Variants in WASHC3 observed in about 807,000 individuals in gnomAD.
WASHC3 encodes WASH complex subunit 3.
In WASHC3, 24 loss-of-function variants were observed where a neutral mutation model predicts 26.1. The observed-to-expected ratio is 0.92, with a 90% confidence interval of 0.66 to 1.29. The LOEUF (loss-of-function observed/expected upper bound fraction) is 1.29. WASHC3 is among the 50% of genes most tolerant of loss of function. The probability of loss-of-function intolerance (pLI) is 0.00; values close to 1 mark genes in which losing one functional copy is unlikely to be tolerated. For synonymous variants in WASHC3, 77 were observed against 75.7 expected, an observed-to-expected ratio of 1.02 and a Z score of -0.09; for missense variants, 214 against 229.6, an observed-to-expected ratio of 0.93 and a Z score of 0.44.
chr12:102,044,641 C>G (rs943000946), intron 3 of WASHC3, among the ~76,000 whole-genome samples: 21 of 152,114 alleles, frequency 1.4e-4, no homozygotes, highest in African/African-American at 5.1e-4. Context: ...AAAAAAAGGG[C>G]TTTGTGCAAA....
At chr12:102,039,156 T>C (rs978548283) in intron 5 of WASHC3, among the ~76,000 whole-genome samples, 1 of 142,954 alleles carries the variant, frequency 7.0e-6, no homozygotes, top group Non-Finnish European at 1.5e-5. Flanking sequence ...TTTTTTAATG[T>C]AGAAGTAGGT....
chr12:102,050,973 C>G (rs1202840122), intron 2 of WASHC3, among the ~76,000 whole-genome samples: 1 of 152,256 alleles, frequency 6.6e-6, no homozygotes, highest in Non-Finnish European at 1.5e-5. Flanking sequence ...AATCTCTCTT[C>G]TACTCTGGTG....
At chr12:102,031,257 A>G (rs971246399) in intron 5 of WASHC3, among the ~76,000 whole-genome samples, 2 of 152,228 alleles carry the variant, frequency 1.3e-5, no homozygotes, top group African/African-American at 4.8e-5. Context: ...GGCAAAGCAT[A>G]GGTAATATGG....
chr12:102,041,101 G>GTA (rs981179983), intron 4 of WASHC3, among the ~76,000 whole-genome samples: 27 of 150,728 alleles, frequency 1.8e-4, no homozygotes, highest in East Asian at 5.8e-4. Context: ...ACCAAAGTGA[G>GTA]TATATATATA....
rs1433584225 is a variant in WASHC3 at position 102,046,050 on chromosome 12, C to G, written c.216+4G>C. 4.5e-6 allele frequency: 7 copies of G among 1,548,866 alleles called. No individual in the cohort carries two copies. The highest frequency in any genetic ancestry group is 6.2e-6 in the Non-Finnish European group (7 of 1,129,282). On this transcript the variant is annotated splice_donor_region_variant and intron_variant, in intron 3 of 6. Transcript: ENST00000240079. Reference sequence around the variant, plus strand: ...TATACTACAAATTATTGAGAAATACCAACCTTTGCATCTAAAATATTGAGA... The same window carrying G: ...TATACTACAAATTATTGAGAAATACGAACCTTTGCATCTAAAATATTGAGA...
chr12:102,061,048 G>C (rs1024621658), intron 2 of WASHC3, among the ~76,000 whole-genome samples, 200 bp downstream of exon 2: 1 of 150,278 alleles, frequency 6.7e-6, no homozygotes, highest in Admixed American at 6.7e-5. Context: ...GGGACCTCTA[G>C]AACACTAACT....
chr12:102,027,712 T>C (rs1337946880), intron 5 of WASHC3, among the ~76,000 whole-genome samples: 1 of 152,112 alleles, frequency 6.6e-6, no homozygotes, highest in Non-Finnish European at 1.5e-5. Context: ...CTAGGTTAAA[T>C]AAGGTTAGGA....
chr12:102,043,379 C>T (rs1313416984), intron 4 of WASHC3, among the ~76,000 whole-genome samples: 1 of 152,128 alleles, frequency 6.6e-6, no homozygotes, highest in African/African-American at 2.4e-5. Context: ...AAGTGATCCT[C>T]CCACCTCAGC....
In WASHC3 at chr12:102,013,077, C is replaced by T. The variant is rs1305982337; in HGVS notation, c.*31G>A. The stretch of plus-strand genomic sequence containing the variant: ...TACAGAATGTAAATGTACCCCTATG[C>T]ATGCATATGTAATTCTTATCAAAAT... On this transcript the variant is annotated 3_prime_UTR_variant, in exon 7 of 7. Transcript: ENST00000240079. 6.5e-6 allele frequency: 6 copies of T among 929,184 alleles called. No individual in the cohort carries two copies. The highest frequency in any genetic ancestry group is 2.1e-5 in the Admixed American group (1 of 47,520). The allele number at this position is 929,184 out of a possible 1,614,324, so 57.6% of individuals were successfully genotyped here. A position where few individuals can be genotyped will look rare whatever the true frequency, so the allele number is the denominator to read the frequency against.
intron 3 of WASHC3, 86 bp from the exon 4 acceptor site, chr12:102,044,298 G>C: frequency 1.8e-6 from 1 of 546,078 alleles, no homozygotes; most frequent in South Asian, 3.3e-5. Flanking sequence ...AAGTTTTAAG[G>C]CTATACAAAT....
Position 102,061,137 on chromosome 12 carries a change from AG to A in WASHC3, c.150+110del. On this transcript the variant is annotated intron_variant, in intron 2 of 6. Transcript: ENST00000240079. Reference sequence around the variant, plus strand: ...TGTGTTAACACAATTGGGTGATGAGAGGTCACGGTACATGAATAAAGACTGT... The same window carrying A: ...TGTGTTAACACAATTGGGTGATGAGAGTCACGGTACATGAATAAAGACTGT... The A allele has an allele frequency of 5.8e-6, 4 of 692,328 alleles. No individual in the cohort carries two copies. The South Asian group carries it at 7.1e-5, about 12-fold the overall frequency. The allele number at this position is 692,328 out of a possible 1,614,324, so 42.9% of individuals were successfully genotyped here.
At chr12:102,013,264 G>T in intron 6 of WASHC3, 72 bp from the exon 7 acceptor site, 1 of 756,576 alleles carries the variant, frequency 1.3e-6, no homozygotes, top group Non-Finnish European at 2.2e-6. Context: ...TCTTAAATTT[G>T]GTTCATCTTA....
intron 5 of WASHC3, among the ~76,000 whole-genome samples, chr12:102,034,985 T>C (rs111351846): frequency 1.3e-5 from 2 of 152,136 alleles, no homozygotes; most frequent in South Asian, 2.1e-4. Context: ...TATACACATA[T>C]ATGGAAATTC....
chr12:102,029,101 C>T (rs891787861), intron 5 of WASHC3, among the ~76,000 whole-genome samples: 1 of 152,138 alleles, frequency 6.6e-6, no homozygotes, highest in Admixed American at 6.5e-5. Context: ...AGAATGCATT[C>T]CCAAGGGATT....
Position 102,061,960 on chromosome 12 carries a change from CATCT to C in WASHC3, c.-2_2del. On this transcript the variant is annotated start_lost and 5_prime_UTR_variant, in exon 1 of 7. Coordinates refer to ENST00000240079, the MANE Select transcript of WASHC3 (RefSeq NM_016053.4). ...CCATGAGAGGAAGCCCGTCCTCATC[CATCT>C]CCTCAGCGGGCGGTGGACCCCGAGT... is the stretch of plus-strand genomic sequence containing the variant. The C allele has an allele frequency of 6.3e-7, 1 of 1,597,082 alleles. No homozygotes were observed. The highest frequency in any genetic ancestry group is 8.5e-7 in the Non-Finnish European group (1 of 1,170,954).
Position 102,028,789 on chromosome 12 carries a change from TAAG to T in WASHC3, c.436-2754_436-2752del, listed in dbSNP as rs1331757426. On this transcript the variant is annotated intron_variant, in intron 5 of 6. Transcript: ENST00000240079. ...TATAAGAATAATAAGAATTATATAATAAGAATAATAAGAATTATATCACAATAA... is the reference window on the plus strand; with the variant it reads ...TATAAGAATAATAAGAATTATATAATAATAATAAGAATTATATCACAATAA... Among the ~76,000 whole-genome samples, 23 of 149,888 alleles carry T rather than the reference TAAG, an allele frequency of 1.5e-4. No homozygotes were observed. The South Asian group carries it at 1.7e-3, about 11-fold the overall frequency.
At chr12:102,024,384 C>T (rs752288447) in intron 6 of WASHC3, among the ~76,000 whole-genome samples, 8 of 152,004 alleles carry the variant, frequency 5.3e-5, no homozygotes, top group Non-Finnish European at 8.8e-5. Context: ...AGATTACAAA[C>T]GATGAGGGCG....
intron 2 of WASHC3, chr12:102,050,301 A>G (rs542859580): frequency 1.3e-4 from 61 of 454,172 alleles, no homozygotes; most frequent in South Asian, 8.5e-4. Flanking sequence ...TCTGACAAAA[A>G]AACAACAAAA....
chr12:102,042,668 C>T (rs956902177), intron 4 of WASHC3, among the ~76,000 whole-genome samples: 3 of 152,174 alleles, frequency 2.0e-5, no homozygotes, highest in African/African-American at 4.8e-5. Flanking sequence ...CACTTAGAAA[C>T]GTGCATGCCT....
Sources: allele counts gnomAD v4.1 joint callset (sites outside exome capture counted in the v4.1 genomes callset), GRCh38; gene constraint gnomAD v4.1.1; transcripts MANE v1.5; gene names NCBI Gene and HGNC (gene_info 2026-07-23, HGNC 2026-07-21).